DCLK3: variants seen among roughly 807,000 people sequenced by gnomAD.
DCLK3 encodes the protein serine/threonine-protein kinase DCLK3.
DCLK3 carries 30 observed loss-of-function variants against 46.4 expected under a neutral mutation model. The observed-to-expected ratio is 0.65, with a 90% CI of 0.48 to 0.88. The LOEUF is 0.88. DCLK3 is among the 40% of genes least tolerant of loss of function. DCLK3 has a pLI of 0.00. For synonymous variants in DCLK3, 401 were observed against 339.2 expected, an observed-to-expected ratio of 1.18 and a Z score of -2.00; for missense variants, 846 against 907.1, an observed-to-expected ratio of 0.93 and a Z score of 0.87.
chr3:36,725,426 G>T (rs1359039594), intron 2 of DCLK3, among the ~76,000 whole-genome samples: 1 of 152,036 alleles, frequency 6.6e-6, no homozygotes, highest in Non-Finnish European at 1.5e-5. Context: ...AGACCAGCCT[G>T]GGCAACACGA....
chr3:36,751,050 A>G (rs1701435777), intron 1 of DCLK3, among the ~76,000 whole-genome samples: 1 of 118,334 alleles, frequency 8.5e-6, no homozygotes, highest in Non-Finnish European at 1.8e-5. Flanking sequence ...ATATCCCTGT[A>G]GACGGGATGA....
At chr3:36,735,002 G>A (rs1180637239) in intron 2 of DCLK3, among the ~76,000 whole-genome samples, 1 of 152,186 alleles carries the variant, frequency 6.6e-6, no homozygotes, top group Non-Finnish European at 1.5e-5. Flanking sequence ...CCAGGATCTT[G>A]TTAGAAAATG....
At chr3:36,748,534 C>T (rs985029165) in intron 1 of DCLK3, among the ~76,000 whole-genome samples, 1 of 152,018 alleles carries the variant, frequency 6.6e-6, no homozygotes, top group African/African-American at 2.4e-5. Context: ...GCAGGAGGGC[C>T]GCAGGGGCAG....
intron 2 of DCLK3, among the ~76,000 whole-genome samples, chr3:36,736,933 T>C (rs1701270293): frequency 6.6e-6 from 1 of 152,216 alleles, no homozygotes; most frequent in African/African-American, 2.4e-5. Flanking sequence ...ACGTAGTCAC[T>C]ATCAAGACAA....
chr3:36,750,519 C>T (rs931228647), intron 1 of DCLK3, among the ~76,000 whole-genome samples: 8 of 152,158 alleles, frequency 5.3e-5, no homozygotes, highest in Non-Finnish European at 8.8e-5. Flanking sequence ...ATCATTTATA[C>T]GATGATTAGA....
Position 36,764,165 on chromosome 3 carries a change from G to C in DCLK3, c.82+17C>G, listed in dbSNP as rs946301137. On this transcript the variant is annotated intron_variant, in intron 1 of 4. Transcript: ENST00000636136. The surrounding 1 kb of genome is among the most constrained non-coding windows in gnomAD (Gnocchi z 4.9). ...TGGCGCCCAGAACGGGTCGGTGCCG[G>C]AGCGCACGGTACTCACCCGGGGCAG... 33 of 328,772 alleles carry C rather than the reference G, an allele frequency of 1.0e-4. No individual in the cohort carries two copies. Among genetic ancestry groups the C allele is most frequent in the Non-Finnish European group, 1.7e-4 (30 of 180,622 alleles). The allele number at this position is 328,772 out of a possible 1,614,324, so 20.4% of individuals were successfully genotyped here.
At position 36,737,840 on chromosome 3, in the gene DCLK3, C is replaced by T. The variant is rs747912918; in HGVS notation, c.1327G>A (p.Gly443Ser). The change falls in exon 2 of 5, where the codon GGC becomes AGC. Residue 443 changes from glycine to serine, a missense_variant. Physicochemically the swap from Gly to Ser is moderately conservative, Grantham distance 56. This residue lies in a region of DCLK3 where 553 missense variants were observed against 543.0 expected (regional missense o/e 1.02). Transcript: ENST00000636136. This position sits in a 1 kb window ranked among gnomAD's most constrained non-coding sequence, Gnocchi z 4.4. ...GCCTGGTGCTCTCTCAGGAGCCAGCCACCATGTTTGCTCCTGCTCATGGGC... is the reference window on the plus strand; with the variant it reads ...GCCTGGTGCTCTCTCAGGAGCCAGCTACCATGTTTGCTCCTGCTCATGGGC... ...TRPMSRSKHG[G>S]WLLREHQAGF... 7 of 1,613,908 alleles carry T rather than the reference C, an allele frequency of 4.3e-6. No individual in the cohort carries two copies. The African/African-American group carries it at 5.3e-5, about 12-fold the overall frequency.
At chr3:36,735,676 C>T (rs1191780481) in intron 2 of DCLK3, among the ~76,000 whole-genome samples, 1 of 152,212 alleles carries the variant, frequency 6.6e-6, no homozygotes, top group African/African-American at 2.4e-5. Context: ...TCACTGTGCT[C>T]ATTCACTATT....
chr3:36,730,684 G>A (rs910672060), intron 2 of DCLK3, among the ~76,000 whole-genome samples: 1 of 152,046 alleles, frequency 6.6e-6, no homozygotes, highest in Admixed American at 6.6e-5. Context: ...TGTGGCTAGA[G>A]ACTACCACAT....
chr3:36,720,240 T>A (rs1396002700), intron 3 of DCLK3, among the ~76,000 whole-genome samples: 1 of 152,196 alleles, frequency 6.6e-6, no homozygotes, highest in African/African-American at 2.4e-5. Flanking sequence ...ACATGCCGGT[T>A]CCCTGTCACC....
intron 1 of DCLK3, among the ~76,000 whole-genome samples, chr3:36,757,927 C>G (rs1277152244): frequency 1.3e-5 from 2 of 152,122 alleles, no homozygotes; most frequent in Non-Finnish European, 2.9e-5. Flanking sequence ...CATGCTTCCT[C>G]TCTCCCATTA....
chr3:36,748,795 C>G (rs1701414885), intron 1 of DCLK3, among the ~76,000 whole-genome samples: 1 of 152,152 alleles, frequency 6.6e-6, no homozygotes, highest in South Asian at 2.1e-4. Context: ...TCACATTGTG[C>G]CTTTGGGCTT....
chr3:36,737,872 T>C lies in DCLK3; in HGVS notation c.1295A>G (p.Asp432Gly). ...TTTGCTCCTGCTCATGGGCCTGGTGTCCTTCTTCACCTCCCTCAGCCCCTC... is the reference window on the plus strand; with the variant it reads ...TTTGCTCCTGCTCATGGGCCTGGTGCCCTTCTTCACCTCCCTCAGCCCCTC... ...TEEGLREVKKDTRPMSRSKHG... is the reference protein window; with the variant it reads ...TEEGLREVKKGTRPMSRSKHG... Residue 432 changes from aspartate to glycine, a missense_variant, in exon 2 of 5, where the codon GAC (aspartate) becomes GGC (glycine). Asp to Gly is a moderately conservative substitution (Grantham distance 94). This residue lies in a region of DCLK3 where 553 missense variants were observed against 543.0 expected (regional missense o/e 1.02). Transcript: ENST00000636136. The surrounding 1 kb of genome is among the most constrained non-coding windows in gnomAD (Gnocchi z 4.4). 1 of 1,613,978 alleles carries C rather than the reference T, an allele frequency of 6.2e-7. No individual in the cohort carries two copies. The highest frequency in any genetic ancestry group is 8.5e-7 in the Non-Finnish European group (1 of 1,180,016).
At chr3:36,723,589 C>T (rs1338424995) in intron 2 of DCLK3, among the ~76,000 whole-genome samples, 1 of 152,142 alleles carries the variant, frequency 6.6e-6, no homozygotes, top group African/African-American at 2.4e-5. Flanking sequence ...GACTTGGTAC[C>T]CTGCCTCCCA....
rs141289051 is a variant in DCLK3 at position 36,719,427 on chromosome 3, T to G, written c.2093-1250A>C. Among the ~76,000 whole-genome samples, 679 of 152,356 alleles carry G rather than the reference T, an allele frequency of 4.5e-3. 7 individuals are homozygous for G. Among genetic ancestry groups the G allele is most frequent in the African/African-American group, 0.015 (628 of 41,594 alleles). ...AGAATAAGTCACTAATGACCTCTTTTGGTCTTTTCTCAGTTCTCAACCATC... is the reference window on the plus strand; with the variant it reads ...AGAATAAGTCACTAATGACCTCTTTGGGTCTTTTCTCAGTTCTCAACCATC... On this transcript the variant is annotated intron_variant, in intron 3 of 4. Transcript: ENST00000636136.
intron 1 of DCLK3, among the ~76,000 whole-genome samples, chr3:36,754,633 T>A (rs1701470558): frequency 6.6e-6 from 1 of 152,224 alleles, no homozygotes; most frequent in South Asian, 2.1e-4. Flanking sequence ...TGTGAGAGAT[T>A]ATATCTCAAA....
At chr3:36,733,962 T>C (rs1701229231) in intron 2 of DCLK3, among the ~76,000 whole-genome samples, 1 of 152,188 alleles carries the variant, frequency 6.6e-6, no homozygotes, top group South Asian at 2.1e-4. Context: ...AGTTCTGACA[T>C]AATCACTTCC....
In DCLK3 at chr3:36,721,554, C is replaced by G; in HGVS notation, c.2065G>C (p.Val689Leu). Residue 689 changes from valine to leucine, a missense_variant, in exon 3 of 5, where the codon GTA (valine) becomes CTA (leucine). Around this residue, in one of 3 missense-constraint regions of DCLK3, gnomAD observed 247 missense variants for 322.8 expected, o/e 0.77. Coordinates refer to ENST00000636136, the MANE Select transcript of DCLK3 (RefSeq NM_001394672.2). ...TTCTCAGAAAGAATTTCGGGAGCTA[C>G]GTAAGTTGGGGTCCCACACACAGTA... The part of the protein sequence containing the change: ...IFTVCGTPTY[V>L]APEILSEKGY... 1.2e-6 allele frequency: 2 copies of G among 1,614,090 alleles called. No individual in the cohort carries two copies. Among genetic ancestry groups the G allele is most frequent in the Non-Finnish European group, 1.7e-6 (2 of 1,180,000 alleles).
At chr3:36,756,076 G>T (rs886740521) in intron 1 of DCLK3, among the ~76,000 whole-genome samples, 40 of 152,194 alleles carry the variant, frequency 2.6e-4, no homozygotes, top group African/African-American at 9.4e-4. Flanking sequence ...ACAGCCTAGG[G>T]CAAGGATATG....
Sources: allele counts gnomAD v4.1 joint callset (sites outside exome capture counted in the v4.1 genomes callset), GRCh38; gene constraint gnomAD v4.1.1; regional missense constraint gnomAD v4.1.1; non-coding constraint Gnocchi (gnomAD v3.1); transcripts MANE v1.5; gene names NCBI Gene and HGNC (gene_info 2026-07-23, HGNC 2026-07-21).